Variants in PROCA1 observed in about 807,000 individuals in gnomAD.
PROCA1 encodes protein interacting with cyclin A1, also known as protein PROCA1.
PROCA1 carries 22 observed loss-of-function variants against 23.2 expected under a neutral mutation model. That is an observed-to-expected ratio of 0.95 (90% CI 0.68 to 1.35). PROCA1 has a LOEUF of 1.35. PROCA1 is among the 40% of genes most tolerant of loss of function. The pLI is 0.00. For missense variants in PROCA1, 469 were observed against 459.8 expected (o/e 1.02, Z -0.18); for synonymous variants, 182 against 179.2 (o/e 1.02, Z -0.12).
intron 1 of PROCA1, among the ~76,000 whole-genome samples, chr17:28,710,238 C>T (rs1052462019): frequency 1.3e-5 from 2 of 151,990 alleles, no homozygotes; most frequent in African/African-American, 4.8e-5. Context: ...GTGGCTCATG[C>T]CTGTAATCCC....
chr17:28,711,343 G>A (rs750400634), intron 1 of PROCA1: 7 of 560,598 alleles, frequency 1.2e-5, no homozygotes, highest in Admixed American at 3.9e-5. Flanking sequence ...CGACCCAGCA[G>A]GGCCTCAGGA....
At chr17:28,706,315 T>G (rs1356167279) in intron 2 of PROCA1, 1 of 195,758 alleles carries the variant, frequency 5.1e-6, no homozygotes, top group Non-Finnish European at 1.1e-5. Context: ...TAAGCCCAAG[T>G]CGTGGGTCTG....
At position 28,703,617 on chromosome 17, in the gene PROCA1, G is replaced by C; in HGVS notation, c.1036C>G (p.Gln346Glu). 6.2e-7 allele frequency: 1 copy of C among 1,614,228 alleles called. No homozygotes were observed. The highest frequency in any genetic ancestry group is 8.5e-7 in the Non-Finnish European group (1 of 1,180,042). The change falls in exon 5 of 5, where the codon CAA becomes GAA. Residue 346 changes from glutamine to glutamate, a missense_variant. Coordinates refer to ENST00000682792, the MANE Select transcript of PROCA1 (RefSeq NM_001366301.1). ...QAKKTGAKPSQARKVNKRKSP... is the reference protein window; with the variant it reads ...QAKKTGAKPSEARKVNKRKSP... ...TTTCTCTTGTTTACCTTCCTGGCTTGTGAGGGCTTTGCCCCTGTCTTTTTG... is the reference window on the plus strand; with the variant it reads ...TTTCTCTTGTTTACCTTCCTGGCTTCTGAGGGCTTTGCCCCTGTCTTTTTG...
chr17:28,704,267 T>C, intron 4 of PROCA1, 40 bp downstream of exon 4: 1 of 1,591,188 alleles, frequency 6.3e-7, no homozygotes. Flanking sequence ...CAGTGCCCTG[T>C]AGAGGCCCCT....
chr17:28,706,451 T>C (rs2032478247), intron 2 of PROCA1: 1 of 242,708 alleles, frequency 4.1e-6, no homozygotes, highest in Non-Finnish European at 8.7e-6. Flanking sequence ...TCAATTCACA[T>C]ATGTCAAAGA....
intron 1 of PROCA1, among the ~76,000 whole-genome samples, chr17:28,708,744 A>AAAAAAAAAAAAAC (rs1567717825): frequency 6.6e-6 from 1 of 151,740 alleles, no homozygotes; most frequent in African/African-American, 2.4e-5. Flanking sequence ...AAAAAAAAAA[A>AAAAAAAAAAAAAC]AACGACATTT....
At chr17:28,704,465 C>T in intron 3 of PROCA1, 30 bp from the exon 4 acceptor site, 1 of 1,597,778 alleles carries the variant, frequency 6.3e-7, no homozygotes, top group Non-Finnish European at 8.5e-7. Flanking sequence ...CAGCCTGGCT[C>T]CCATCACTCC....
chr17:28,711,447 G>C lies in PROCA1; in HGVS notation c.91+123C>G, dbSNP rs554144538. 4 of 815,510 alleles carry C rather than the reference G, an allele frequency of 4.9e-6. No homozygotes were observed. The African/African-American group carries it at 7.3e-5, about 15-fold the overall frequency. 50.5% of individuals were successfully genotyped at this position (815,510 alleles called of 1,614,324 possible). A position where few individuals can be genotyped will look rare whatever the true frequency, so the allele number is the denominator to read the frequency against. The stretch of plus-strand genomic sequence containing the variant: ...CTAGCTCCGCCCCGGCCCAGCACTG[G>C]GCCCCGCCTCTCTCGTTGGTTTGCC... On this transcript the variant is annotated intron_variant, in intron 1 of 4. Coordinates refer to ENST00000682792, the MANE Select transcript of PROCA1 (RefSeq NM_001366301.1).
chr17:28,703,327 TC>T lies in PROCA1; in HGVS notation c.*230del. The T allele has an allele frequency of 1.8e-6, 1 of 563,522 alleles. No individual in the cohort carries two copies. The highest frequency in any genetic ancestry group is 3.1e-6 in the Non-Finnish European group (1 of 319,084). 34.9% of individuals were successfully genotyped at this position (563,522 alleles called of 1,614,324 possible). Reference sequence around the variant, plus strand: ...CTCCTTCCCACCCCAGATACACTCTTCCACCTTGTCCTAGCAGGTAGGAAGA... The same window carrying T: ...CTCCTTCCCACCCCAGATACACTCTTCACCTTGTCCTAGCAGGTAGGAAGA... On this transcript the variant is annotated 3_prime_UTR_variant, in exon 5 of 5. Transcript: ENST00000682792.
chr17:28,708,731 G>GAAAAAAAAAAAAAAAA (rs557817689), intron 1 of PROCA1, among the ~76,000 whole-genome samples: 18 of 100,996 alleles, frequency 1.8e-4, no homozygotes, highest in South Asian at 3.8e-4. Context: ...CCAGAAAAAG[G>GAAAAAAAAAAAAAAAA]AAAAAAAAAA....
chr17:28,704,812 C>G lies in PROCA1; in HGVS notation c.207G>C (p.Trp69Cys). The change falls in exon 3 of 5, where the codon TGG (tryptophan) becomes TGC (cysteine). Residue 69 changes from tryptophan (W) to cysteine (C), a missense_variant. Coordinates refer to ENST00000682792, the MANE Select transcript of PROCA1 (RefSeq NM_001366301.1). ...TGTGCCCAGTGCACTGCTTGTGTCT[C>G]CAGCAGCACTTGTCAGGCTCCTTGC... ...GDCKEPDKCC[W>C]RHKQCTGHII... The G allele has an allele frequency of 6.2e-7, 1 of 1,613,336 alleles. No homozygotes were observed. Among genetic ancestry groups the G allele is most frequent in the South Asian group, 1.1e-5 (1 of 91,052 alleles).
At chr17:28,711,522 G>A (rs754619652) in intron 1 of PROCA1, 48 bp downstream of exon 1, 9 of 1,505,666 alleles carry the variant, frequency 6.0e-6, no homozygotes, top group Non-Finnish European at 7.2e-6. Context: ...CTCGGGGTCT[G>A]CGAGCCGGGC....
intron 1 of PROCA1, among the ~76,000 whole-genome samples, chr17:28,710,137 C>T (rs752225723): frequency 2.0e-5 from 3 of 152,014 alleles, no homozygotes; most frequent in Admixed American, 1.3e-4. Flanking sequence ...AAAGTCATGC[C>T]GCTGGGACCT....
At chr17:28,711,408 G>A in intron 1 of PROCA1, 162 bp downstream of exon 1, 2 of 509,560 alleles carry the variant, frequency 3.9e-6, no homozygotes, top group South Asian at 6.4e-5. Flanking sequence ...CCCGGCCCTA[G>A]CTCCGCCCCG....
At position 28,703,599 on chromosome 17, in the gene PROCA1, T is replaced by C; in HGVS notation, c.1054A>G (p.Lys352Glu). 1 of 1,613,886 alleles carries C rather than the reference T, an allele frequency of 6.2e-7. No individual in the cohort carries two copies. The highest frequency in any genetic ancestry group is 8.5e-7 in the Non-Finnish European group (1 of 1,179,954). The change falls in exon 5 of 5, where the codon AAG becomes GAG. Residue 352 changes from lysine to glutamate, a missense_variant. By Grantham distance (56) the Lys-to-Glu change is moderately conservative (BLOSUM62 1). Coordinates refer to ENST00000682792, the MANE Select transcript of PROCA1 (RefSeq NM_001366301.1). Reference protein sequence around the residue: ...AKPSQARKVNKRKSPPGSNPN... With the variant: ...AKPSQARKVNERKSPPGSNPN... Reference sequence around the variant, plus strand: ...TTTGATCCTGGGGGAGATTTTCTCTTGTTTACCTTCCTGGCTTGTGAGGGC... The same window carrying C: ...TTTGATCCTGGGGGAGATTTTCTCTCGTTTACCTTCCTGGCTTGTGAGGGC...
Position 28,703,717 on chromosome 17 carries a change from C to A in PROCA1, c.936G>T (p.Arg312=). The A allele has an allele frequency of 6.2e-7, 1 of 1,614,150 alleles. No homozygotes were observed. The highest frequency in any genetic ancestry group is 1.3e-5 in the African/African-American group (1 of 74,998). ...ELESEDSYNG[R]GQGELSSEDI... is the part of the protein sequence containing the mutation. ...CCTCGCTGGACAGTTCTCCCTGCCC[C>A]CGGCCATTGTAACTGTCCTCGCTCT... is the stretch of plus-strand genomic sequence containing the variant. The change falls in exon 5 of 5, where the codon CGG becomes CGT. Residue 312 remains arginine, a synonymous_variant. Transcript: ENST00000682792.
In PROCA1 at chr17:28,711,586, A is replaced by G. The variant is rs373636038; in HGVS notation, c.75T>C (p.Asp25=). ...EKTEPKARSW[D]ESRCRDVNRL... ...CCCTCTTACCGCGGCATCTGCTCTCATCCCACGAGCGGGCCTTGGGCTCGG... is the reference window on the plus strand; with the variant it reads ...CCCTCTTACCGCGGCATCTGCTCTCGTCCCACGAGCGGGCCTTGGGCTCGG... The change falls in exon 1 of 5, where the codon GAT becomes GAC. Residue 25 remains aspartate, a synonymous_variant. Transcript: ENST00000682792. The G allele has an allele frequency of 6.8e-6, 11 of 1,610,328 alleles. No individual in the cohort carries two copies. The African/African-American group carries it at 9.4e-5, about 14-fold the overall frequency.
At chr17:28,708,731 G>GAAAAAAAAAAAAAAAAA (rs557817689) in intron 1 of PROCA1, among the ~76,000 whole-genome samples, 4 of 100,978 alleles carry the variant, frequency 4.0e-5, no homozygotes, top group African/African-American at 7.5e-5. Context: ...CCAGAAAAAG[G>GAAAAAAAAAAAAAAAAA]AAAAAAAAAA....
chr17:28,711,871 C>G lies in PROCA1; in HGVS notation c.-211G>C. Reference sequence around the variant, plus strand: ...AGTCTTCCCAGCTGGGTCTCAGCGTCAGCCGCGTTCTTCATCCGGGGCCTC... The same window carrying G: ...AGTCTTCCCAGCTGGGTCTCAGCGTGAGCCGCGTTCTTCATCCGGGGCCTC... On this transcript the variant is annotated 5_prime_UTR_variant, in exon 1 of 5. Transcript: ENST00000682792. 4.1e-6 allele frequency: 2 copies of G among 492,340 alleles called. No individual in the cohort carries two copies. Among genetic ancestry groups the G allele is most frequent in the Non-Finnish European group, 7.1e-6 (2 of 280,732 alleles). The allele number at this position is 492,340 out of a possible 1,614,324, so 30.5% of individuals were successfully genotyped here.
Sources: gnomAD v4.1 joint callset for allele counts (sites outside exome capture counted in the v4.1 genomes callset) on GRCh38, gnomAD v4.1.1 for gene constraint, MANE v1.5 for transcripts, NCBI Gene and HGNC (gene_info 2026-07-23, HGNC 2026-07-21) for gene names.